ACBD6: variants seen among roughly 807,000 people sequenced by gnomAD.
ACBD6 encodes acyl-CoA binding domain containing 6.
In ACBD6, 28 loss-of-function variants were observed where a neutral mutation model predicts 37.2. That is an observed-to-expected ratio of 0.75 (90% CI 0.56 to 1.03). The LOEUF (loss-of-function observed/expected upper bound fraction) is 1.03, where lower values mean the gene tolerates loss of function less well. Ranked by LOEUF, ACBD6 falls within the 50% of genes least tolerant of loss-of-function variation. The pLI, the probability that ACBD6 is intolerant of heterozygous loss-of-function variation, is 0.00. For synonymous variants in ACBD6, 113 were observed against 126.8 expected, an observed-to-expected ratio of 0.89 and a Z score of 0.73; for missense variants, 340 against 337.4, an observed-to-expected ratio of 1.01 and a Z score of -0.06.
intron 6 of ACBD6, among the ~76,000 whole-genome samples, chr1:180,329,078 T>C (rs1651373073): frequency 6.6e-6 from 1 of 152,194 alleles, no homozygotes. Flanking sequence ...ATCTTACTTC[T>C]CATTACTCTA....
chr1:180,476,694 C>T (rs1238520164), intron 3 of ACBD6, among the ~76,000 whole-genome samples: 5 of 152,036 alleles, frequency 3.3e-5, no homozygotes, highest in East Asian at 3.9e-4. Context: ...GGCGTGGTGG[C>T]GGGCACCTGT....
Position 180,434,740 on chromosome 1 carries a change from AAAC to A in ACBD6, c.385-4481_385-4479del, listed in dbSNP as rs1393385226. 1,412 of 557,534 alleles carry A rather than the reference AAAC, an allele frequency of 2.5e-3. 12 individuals are homozygous for A. Among genetic ancestry groups the A allele is most frequent in the African/African-American group, 0.023 (1,236 of 52,848 alleles). 34.5% of individuals were successfully genotyped at this position (557,534 alleles called of 1,614,324 possible). On this transcript the variant is annotated intron_variant, in intron 3 of 7. Coordinates refer to ENST00000367595, the MANE Select transcript of ACBD6 (RefSeq NM_032360.4). ...GTATTAATAAACTAGGAATAGAGTA[AAAC>A]TACCTCAACAGGCCATAGCCGCAAC...
chr1:180,279,199 T>C (rs938817222), intron 9 of ACBD6, among the ~76,000 whole-genome samples: 1 of 152,212 alleles, frequency 6.6e-6, no homozygotes, highest in African/African-American at 2.4e-5. Flanking sequence ...GTTTTTCTAA[T>C]AGTCATTTCC....
chr1:180,500,132 TAAAAAA>T (rs778814281), intron 1 of ACBD6, among the ~76,000 whole-genome samples: 2 of 133,316 alleles, frequency 1.5e-5, no homozygotes, highest in African/African-American at 5.5e-5. Flanking sequence ...CTTTTTTAGT[TAAAAAA>T]AAAAAAAAAA....
chr1:180,403,170 G>A (rs1647452567), intron 5 of ACBD6, among the ~76,000 whole-genome samples: 1 of 152,104 alleles, frequency 6.6e-6, no homozygotes, highest in Admixed American at 6.6e-5. Flanking sequence ...CAAAACGGTG[G>A]TTACCTTTTT....
chr1:180,482,128 TAGTTA>T (rs1266298508), intron 3 of ACBD6, among the ~76,000 whole-genome samples: 6 of 152,190 alleles, frequency 3.9e-5, no homozygotes, highest in Non-Finnish European at 8.8e-5. Flanking sequence ...CAAATCTGTT[TAGTTA>T]TTTTTTTAAA....
chr1:180,330,366 G>C (rs891440711), intron 6 of ACBD6, among the ~76,000 whole-genome samples: 2 of 151,778 alleles, frequency 1.3e-5, no homozygotes, highest in Non-Finnish European at 2.9e-5. Context: ...GCTGTGGTGA[G>C]CCATGATTAT....
At chr1:180,395,665 G>C (rs1189254651) in intron 6 of ACBD6, among the ~76,000 whole-genome samples, 2 of 152,136 alleles carry the variant, frequency 1.3e-5, no homozygotes, top group East Asian at 3.9e-4. Context: ...GTGTGGACAA[G>C]GATGCGGAGA....
chr1:180,322,322 C>CT (rs1558249114), intron 6 of ACBD6, among the ~76,000 whole-genome samples: 2 of 151,744 alleles, frequency 1.3e-5, no homozygotes. Flanking sequence ...CTGTAGTTTT[C>CT]TTTTTTTGAT....
intron 6 of ACBD6, among the ~76,000 whole-genome samples, chr1:180,365,813 ATAAT>A (rs1653032559): frequency 6.6e-6 from 1 of 152,230 alleles, no homozygotes; most frequent in African/African-American, 2.4e-5. Context: ...TCCATATTCT[ATAAT>A]TATTTCACGG....
Position 180,502,500 on chromosome 1 carries a change from C to T in ACBD6, c.-234G>A, listed in dbSNP as rs1211886881. 1.8e-6 allele frequency: 1 copy of T among 564,436 alleles called. No homozygotes were observed. Among genetic ancestry groups the T allele is most frequent in the Non-Finnish European group, 3.2e-6 (1 of 314,946 alleles). 35.0% of individuals were successfully genotyped at this position (564,436 alleles called of 1,614,324 possible). A position where few individuals can be genotyped will look rare whatever the true frequency, so the allele number is the denominator to read the frequency against. ...CCGCTCTGCCCAGTCGACCCGGTCTCCTCCGGCTTCCCTCCGGCCAACAGC... is the reference window on the plus strand; with the variant it reads ...CCGCTCTGCCCAGTCGACCCGGTCTTCTCCGGCTTCCCTCCGGCCAACAGC... On this transcript the variant is annotated 5_prime_UTR_variant, in exon 1 of 8. Transcript: ENST00000367595.
chr1:180,430,146 T>C (rs1276031895), intron 4 of ACBD6, 34 bp downstream of exon 4: 5 of 1,548,518 alleles, frequency 3.2e-6, no homozygotes, highest in African/African-American at 2.7e-5. Context: ...CAGGCATATA[T>C]ATTTCTATTA....
At chr1:180,499,770 G>T (rs188541536) in intron 1 of ACBD6, among the ~76,000 whole-genome samples, 1 of 152,234 alleles carries the variant, frequency 6.6e-6, no homozygotes, top group East Asian at 1.9e-4. Context: ...AGAGAAAACA[G>T]ATATCTACAA....
In ACBD6 at chr1:180,435,170, C is replaced by T. The variant is rs74132845; in HGVS notation, c.385-4908G>A. 1,302 of 688,876 alleles carry T rather than the reference C, an allele frequency of 1.9e-3. 12 individuals carry two copies. The African/African-American group carries it at 0.02, about 11-fold the overall frequency. The allele number at this position is 688,876 out of a possible 1,614,324, so 42.7% of individuals were successfully genotyped here. On this transcript the variant is annotated intron_variant, in intron 3 of 7. Coordinates refer to ENST00000367595, the MANE Select transcript of ACBD6 (RefSeq NM_032360.4). ...AGCAGAAGCACATTAACCTGGGCTG[C>T]GACACGGATTTCAACATCGCTGGCC... is the stretch of plus-strand genomic sequence containing the variant.
At position 180,502,335 on chromosome 1, in the gene ACBD6, G is replaced by C; in HGVS notation, c.-69C>G. 5 of 1,543,714 alleles carry C rather than the reference G, an allele frequency of 3.2e-6. No individual in the cohort carries two copies. The highest frequency in any genetic ancestry group is 4.4e-6 in the Non-Finnish European group (5 of 1,128,190). ...TTGGATTGGGTGTAAGGCCGGCTTGGAGGCCTGGCCCACCAGTCTGGGTCG... is the reference window on the plus strand; with the variant it reads ...TTGGATTGGGTGTAAGGCCGGCTTGCAGGCCTGGCCCACCAGTCTGGGTCG... On this transcript the variant is annotated 5_prime_UTR_variant, in exon 1 of 8. Coordinates refer to ENST00000367595, the MANE Select transcript of ACBD6 (RefSeq NM_032360.4).
intron 4 of ACBD6, among the ~76,000 whole-genome samples, chr1:180,414,529 G>A (rs766543896): frequency 3.3e-5 from 5 of 152,100 alleles, no homozygotes; most frequent in Non-Finnish European, 7.4e-5. Flanking sequence ...TCTTTAAGCC[G>A]CTTAAGTATT....
chr1:180,371,222 C>T (rs747957602), intron 6 of ACBD6, among the ~76,000 whole-genome samples: 11 of 151,830 alleles, frequency 7.2e-5, no homozygotes, highest in Non-Finnish European at 1.3e-4. Flanking sequence ...ATATTTTGTA[C>T]AATTATTTTA....
intron 3 of ACBD6, among the ~76,000 whole-genome samples, chr1:180,471,674 T>C (rs939920437): frequency 3.3e-5 from 5 of 152,088 alleles, no homozygotes; most frequent in Admixed American, 3.3e-4. Flanking sequence ...GAGAATAGCA[T>C]GGGAGAGACC....
intron 9 of ACBD6, chr1:180,278,545 T>A (rs950788628): frequency 6.6e-6 from 1 of 152,074 alleles, no homozygotes; most frequent in African/African-American, 2.4e-5. Context: ...GCACCAAGCA[T>A]TCCTTTGCTT....
Sources: allele counts gnomAD v4.1 joint callset (sites outside exome capture counted in the v4.1 genomes callset), GRCh38; gene constraint gnomAD v4.1.1; transcripts MANE v1.5; gene names NCBI Gene and HGNC (gene_info 2026-07-23, HGNC 2026-07-21).